WDR72: variants seen among roughly 807,000 people sequenced by gnomAD.
WDR72 encodes WD repeat domain 72, also known as WD repeat-containing protein 72.
In WDR72, 120 loss-of-function variants were observed where a neutral mutation model predicts 124.2. The ratio of observed to expected loss-of-function variants is 0.97; its 90% CI spans 0.83 to 1.12. WDR72 has a LOEUF of 1.12. Among genes scored for constraint, WDR72 ranks in the 50% most tolerant of loss-of-function variants. The probability of loss-of-function intolerance (pLI) is 0.00; values close to 1 mark genes in which losing one functional copy is unlikely to be tolerated. For missense variants in WDR72, 1,387 were observed against 1,278.8 expected (o/e 1.08, Z -1.29); for synonymous variants, 452 against 441.7 (o/e 1.02, Z -0.29).
intron 18 of WDR72, among the ~76,000 whole-genome samples, chr15:53,595,391 T>A (rs147585960): frequency 6.6e-6 from 1 of 152,218 alleles, no homozygotes; most frequent in Non-Finnish European, 1.5e-5. Flanking sequence ...TAGCTGGGAC[T>A]GCAGGAACCT....
chr15:53,668,956 GAGGAGA>G (rs1446290416), intron 13 of WDR72, among the ~76,000 whole-genome samples: 24 of 13,440 alleles, frequency 1.8e-3, no homozygotes, highest in South Asian at 0.014. Context: ...GCAGGAGGAG[GAGGAGA>G]AGGAGGAGGA....
chr15:53,752,259 A>G (rs1294683461), intron 1 of WDR72, among the ~76,000 whole-genome samples: 1 of 152,230 alleles, frequency 6.6e-6, no homozygotes, highest in Non-Finnish European at 1.5e-5. Flanking sequence ...GAGCCTATCC[A>G]AAATTTATAT....
intron 18 of WDR72, among the ~76,000 whole-genome samples, chr15:53,561,301 C>G (rs866993984): frequency 3.3e-4 from 50 of 151,822 alleles, no homozygotes; most frequent in African/African-American, 1.2e-3. Context: ...TTTTAAACTT[C>G]CTGAGGAAAA....
intron 2 of WDR72, among the ~76,000 whole-genome samples, chr15:53,732,317 G>A (rs2018224982): frequency 6.6e-6 from 1 of 152,212 alleles, no homozygotes; most frequent in Non-Finnish European, 1.5e-5. Flanking sequence ...AATGAGGGCA[G>A]TATACTTTAA....
chr15:53,726,277 TATATATATAC>T (rs2018032828), intron 2 of WDR72, among the ~76,000 whole-genome samples: 1 of 119,632 alleles, frequency 8.4e-6, no homozygotes, highest in African/African-American at 4.0e-5. Context: ...TATATATATA[TATATATATAC>T]ACACACACAC....
At chr15:53,658,134 T>C (rs1344113016) in intron 14 of WDR72, among the ~76,000 whole-genome samples, 1 of 152,188 alleles carries the variant, frequency 6.6e-6, no homozygotes. Context: ...CAGCCAAAAC[T>C]AGAAATGATT....
At chr15:53,712,033 C>G (rs990897804) in intron 7 of WDR72, among the ~76,000 whole-genome samples, 1 of 152,100 alleles carries the variant, frequency 6.6e-6, no homozygotes, top group Admixed American at 6.5e-5. Flanking sequence ...GTTTGTCCCT[C>G]TTAAAACAAA....
chr15:53,533,183 T>C (rs1369866457), intron 18 of WDR72, among the ~76,000 whole-genome samples: 1 of 152,074 alleles, frequency 6.6e-6, no homozygotes, highest in Non-Finnish European at 1.5e-5. Flanking sequence ...ACAATGGAAT[T>C]GAAGAGGCCA....
At chr15:53,752,443 A>G (rs1884811925) in intron 1 of WDR72, among the ~76,000 whole-genome samples, 1 of 152,216 alleles carries the variant, frequency 6.6e-6, no homozygotes, top group African/African-American at 2.4e-5. Context: ...ACACACACAG[A>G]GAAAGTCAGG....
intron 18 of WDR72, among the ~76,000 whole-genome samples, chr15:53,525,638 A>C (rs1289314952): frequency 6.6e-6 from 1 of 152,030 alleles, no homozygotes; most frequent in Non-Finnish European, 1.5e-5. Context: ...CAAACCCTTC[A>C]AAAAGGCCAG....
chr15:53,680,866 T>A (rs1358116179), intron 13 of WDR72, among the ~76,000 whole-genome samples: 1 of 152,184 alleles, frequency 6.6e-6, no homozygotes, highest in Non-Finnish European at 1.5e-5. Flanking sequence ...TGAAAAGGAC[T>A]GGGGAAAGTG....
intron 11 of WDR72, among the ~76,000 whole-genome samples, chr15:53,703,891 C>G (rs1014838616): frequency 3.9e-5 from 6 of 152,206 alleles, no homozygotes; most frequent in African/African-American, 1.4e-4. Flanking sequence ...CATTGAGGTG[C>G]TACAAGTCAA....
chr15:53,605,609 C>T (rs1005543033), intron 17 of WDR72, among the ~76,000 whole-genome samples: 3 of 152,184 alleles, frequency 2.0e-5, no homozygotes, highest in African/African-American at 7.2e-5. Flanking sequence ...AATCCCAACA[C>T]TTTGGGAGGC....
intron 18 of WDR72, among the ~76,000 whole-genome samples, chr15:53,546,006 A>T (rs1042914045): frequency 5.6e-4 from 76 of 135,836 alleles, no homozygotes; most frequent in Middle Eastern, 3.7e-3. Context: ...TTAAAAAGTC[A>T]GGAAACAACA....
chr15:53,701,570 C>G (rs1219906148), intron 12 of WDR72, among the ~76,000 whole-genome samples: 1 of 151,220 alleles, frequency 6.6e-6, no homozygotes, highest in African/African-American at 2.4e-5. Flanking sequence ...CACACACACA[C>G]ACACACACAC....
intron 14 of WDR72, among the ~76,000 whole-genome samples, chr15:53,640,755 T>C (rs1417311472): frequency 6.6e-6 from 1 of 152,112 alleles, no homozygotes; most frequent in Non-Finnish European, 1.5e-5. Context: ...GAAATGTGCA[T>C]TGTGGGCTTT....
chr15:53,652,284 A>C (rs1445835663), intron 14 of WDR72, among the ~76,000 whole-genome samples: 3 of 152,142 alleles, frequency 2.0e-5, no homozygotes, highest in African/African-American at 7.2e-5. Flanking sequence ...TATGAAGCTC[A>C]GTTTCTCCTG....
At chr15:53,650,948 T>G (rs1567005501) in intron 14 of WDR72, among the ~76,000 whole-genome samples, 1 of 126,156 alleles carries the variant, frequency 7.9e-6, no homozygotes, top group East Asian at 2.6e-4. Flanking sequence ...TTTCAAAACA[T>G]AAATCAAATC....
intron 18 of WDR72, among the ~76,000 whole-genome samples, chr15:53,588,097 A>C (rs2012313465): frequency 6.6e-6 from 1 of 152,004 alleles, no homozygotes; most frequent in Non-Finnish European, 1.5e-5. Flanking sequence ...TATAATCACC[A>C]TTTCCATTCT....
Sources: allele counts gnomAD v4.1 joint callset (sites outside exome capture counted in the v4.1 genomes callset), GRCh38; gene constraint gnomAD v4.1.1; transcripts MANE v1.5; gene names NCBI Gene and HGNC (gene_info 2026-07-23, HGNC 2026-07-21).